Variants in NUBPL observed in about 807,000 individuals in gnomAD.
The protein encoded by NUBPL is iron-sulfur cluster transfer protein NUBPL.
Under a neutral mutation model 45.7 loss-of-function variants are expected in NUBPL, and 31 were observed. That is an observed-to-expected ratio of 0.68 (90% CI 0.51 to 0.92). The LOEUF is 0.92. NUBPL is among the 40% of genes least tolerant of loss of function. The pLI, the probability that NUBPL is intolerant of heterozygous loss-of-function variation, is 0.00. For synonymous variants in NUBPL, 144 were observed against 140.9 expected (o/e 1.02, Z -0.15); for missense variants, 401 against 398.7 (o/e 1.01, Z -0.05).
At chr14:31,748,252 G>T (rs1188417681) in intron 6 of NUBPL, among the ~76,000 whole-genome samples, 1 of 152,198 alleles carries the variant, frequency 6.6e-6, no homozygotes, top group African/African-American at 2.4e-5. Flanking sequence ...TCCATGTGCT[G>T]ATGAGAAGAA....
intron 10 of NUBPL, among the ~76,000 whole-genome samples, chr14:31,852,783 C>T (rs774540657): frequency 2.6e-5 from 4 of 152,112 alleles, no homozygotes; most frequent in Non-Finnish European, 5.9e-5. Context: ...TGATTGAGGC[C>T]TAGGATCAGA....
chr14:31,565,374 G>A (rs1004044468), intron 3 of NUBPL, among the ~76,000 whole-genome samples: 1 of 152,014 alleles, frequency 6.6e-6, no homozygotes, highest in Non-Finnish European at 1.5e-5. Context: ...TTTTTTTAAG[G>A]GGAAAGATAT....
At chr14:31,728,861 A>G (rs573079638) in intron 6 of NUBPL, among the ~76,000 whole-genome samples, 2 of 152,318 alleles carry the variant, frequency 1.3e-5, no homozygotes, top group South Asian at 2.1e-4. Context: ...GAGATTGGGG[A>G]TCTTCTTATG....
intron 9 of NUBPL, chr14:31,849,907 A>G (rs1033654151): frequency 3.4e-6 from 2 of 585,294 alleles, no homozygotes; most frequent in Non-Finnish European, 3.0e-6. Flanking sequence ...GCTTTCCTAT[A>G]TAAACATACA....
intron 3 of NUBPL, among the ~76,000 whole-genome samples, chr14:31,576,050 A>T (rs1011775758): frequency 1.3e-5 from 2 of 152,224 alleles, no homozygotes; most frequent in Non-Finnish European, 2.9e-5. Flanking sequence ...TATAAAGCAA[A>T]ACTGTTTACT....
At chr14:31,809,922 T>C (rs113616601) in intron 7 of NUBPL, among the ~76,000 whole-genome samples, 11,608 of 152,240 alleles carry the variant, frequency 0.076, 493 homozygotes, top group Non-Finnish European at 0.091. Context: ...TGTAGTTGTG[T>C]AGTTTTGAGT....
intron 10 of NUBPL, among the ~76,000 whole-genome samples, chr14:31,853,487 T>G (rs910871737): frequency 6.6e-6 from 1 of 152,182 alleles, no homozygotes; most frequent in African/African-American, 2.4e-5. Context: ...CACTCCATCC[T>G]CCCAGCACCA....
At chr14:31,808,851 C>T (rs901592957) in intron 7 of NUBPL, among the ~76,000 whole-genome samples, 2 of 152,068 alleles carry the variant, frequency 1.3e-5, no homozygotes, top group African/African-American at 2.4e-5. Flanking sequence ...TGTCAAAGGC[C>T]TTTTCTGCAT....
At chr14:31,782,653 T>A (rs1485035393) in intron 6 of NUBPL, among the ~76,000 whole-genome samples, 1 of 151,506 alleles carries the variant, frequency 6.6e-6, no homozygotes, top group African/African-American at 2.4e-5. Context: ...ATTAGCCAAT[T>A]GTGATGGCGG....
At chr14:31,780,349 G>C (rs144538274) in intron 6 of NUBPL, among the ~76,000 whole-genome samples, 1 of 151,998 alleles carries the variant, frequency 6.6e-6, no homozygotes, top group Admixed American at 6.6e-5. Context: ...AATTACAGGC[G>C]TGAGCCACTG....
chr14:31,820,444 A>C (rs1384528163), intron 7 of NUBPL, among the ~76,000 whole-genome samples: 1 of 152,216 alleles, frequency 6.6e-6, no homozygotes, highest in Non-Finnish European at 1.5e-5. Flanking sequence ...AATTATAAAG[A>C]TGAAATGTAA....
intron 6 of NUBPL, among the ~76,000 whole-genome samples, chr14:31,698,247 T>C (rs12890318): frequency 0.3 from 45,913 of 151,968 alleles, 7,659 homozygotes; most frequent in South Asian, 0.41. Flanking sequence ...GTTTTAGATA[T>C]GACGAGATAT....
chr14:31,688,300 A>C (rs2037002011), intron 6 of NUBPL, among the ~76,000 whole-genome samples: 2 of 152,110 alleles, frequency 1.3e-5, no homozygotes, highest in Non-Finnish European at 2.9e-5. Context: ...TCACTGGGCC[A>C]GGCGCGGTGG....
intron 3 of NUBPL, 36 bp downstream of exon 3, chr14:31,565,084 A>T: frequency 7.7e-7 from 1 of 1,293,250 alleles, no homozygotes; most frequent in South Asian, 1.3e-5. Context: ...AATTTATTAA[A>T]ATGTTTTTAA....
At chr14:31,807,515 G>A (rs1194041375) in intron 7 of NUBPL, among the ~76,000 whole-genome samples, 1 of 152,136 alleles carries the variant, frequency 6.6e-6, no homozygotes, top group Non-Finnish European at 1.5e-5. Context: ...GTAGATTCTG[G>A]ATATTAGCCC....
intron 4 of NUBPL, among the ~76,000 whole-genome samples, chr14:31,649,635 A>G (rs1420153307): frequency 2.0e-5 from 3 of 152,250 alleles, no homozygotes; most frequent in Admixed American, 6.5e-5. Context: ...CCATTTTTGT[A>G]TAATAAAGTC....
intron 6 of NUBPL, among the ~76,000 whole-genome samples, chr14:31,709,596 G>A (rs1030042187): frequency 3.3e-5 from 5 of 152,192 alleles, no homozygotes; most frequent in African/African-American, 1.2e-4. Flanking sequence ...TCTAACAATA[G>A]CATGACATCT....
intron 6 of NUBPL, among the ~76,000 whole-genome samples, chr14:31,779,115 G>A (rs2039147697): frequency 1.3e-5 from 2 of 152,070 alleles, no homozygotes; most frequent in South Asian, 4.1e-4. Flanking sequence ...GGAGAGGCGG[G>A]TGGATTACCT....
chr14:31,636,882 T>G (rs28836875), intron 4 of NUBPL, among the ~76,000 whole-genome samples: 3,762 of 152,104 alleles, frequency 0.025, 140 homozygotes, highest in African/African-American at 0.083. Context: ...TTGCATAGAG[T>G]TGTTTGTAGT....
Sources: gnomAD v4.1 joint callset for allele counts (sites outside exome capture counted in the v4.1 genomes callset) on GRCh38, gnomAD v4.1.1 for gene constraint, MANE v1.5 for transcripts, NCBI Gene and HGNC (gene_info 2026-07-23, HGNC 2026-07-21) for gene names.